Variants in NALF1 observed in about 807,000 individuals in gnomAD.
NALF1 encodes the protein family with sequence similarity 155 member A.
A neutral mutation model predicts 48.4 loss-of-function variants in NALF1; 3 were observed. That is an observed-to-expected ratio of 0.06 (90% CI 0.03 to 0.16). NALF1 has a LOEUF of 0.16. NALF1 is among the 10% of genes least tolerant of loss of function. The probability of loss-of-function intolerance (pLI) is 1.00; values close to 1 mark genes in which losing one functional copy is unlikely to be tolerated. For synonymous variants in NALF1, 262 were observed against 245.7 expected (o/e 1.07, Z -0.62); for missense variants, 526 against 571.5 (o/e 0.92, Z 0.81).
intron 1 of NALF1, among the ~76,000 whole-genome samples, chr13:107,296,480 G>A (rs1410408835): frequency 6.6e-6 from 1 of 151,972 alleles, no homozygotes; most frequent in Non-Finnish European, 1.5e-5. Flanking sequence ...GTGGAGTGAG[G>A]GGCAGAGAGC....
intron 2 of NALF1, among the ~76,000 whole-genome samples, chr13:107,176,466 C>A (rs1270208334): frequency 6.6e-6 from 1 of 151,788 alleles, no homozygotes; most frequent in East Asian, 1.9e-4. Flanking sequence ...CACGGTGAAA[C>A]CCCATCTCTA....
At chr13:107,194,119 T>G (rs1419039606) in intron 2 of NALF1, among the ~76,000 whole-genome samples, 2 of 152,148 alleles carry the variant, frequency 1.3e-5, no homozygotes, top group African/African-American at 4.8e-5. Flanking sequence ...GATTTTTCAG[T>G]TATATAAGCC....
Position 107,164,122 on chromosome 13 carries a change from G to C in NALF1, c.*6375C>G, listed in dbSNP as rs1878612356. 1 of 152,138 alleles carries C rather than the reference G, an allele frequency of 6.6e-6. No homozygotes were observed. The highest frequency in any genetic ancestry group is 2.1e-4 in the South Asian group (1 of 4,822). The allele number at this position is 152,138 out of a possible 1,614,324, so 9.4% of individuals were successfully genotyped here. On this transcript the variant is annotated 3_prime_UTR_variant, in exon 3 of 3. Transcript: ENST00000375915. ...TGCTGCGGTGAGCTGGGAGTTTTAG[G>C]GGAAATAGTCACTGAAGAAAGTCTG...
At chr13:107,506,046 A>C (rs1241166142) in intron 1 of NALF1, among the ~76,000 whole-genome samples, 1 of 152,156 alleles carries the variant, frequency 6.6e-6, no homozygotes, top group Non-Finnish European at 1.5e-5. Context: ...AATTTTTGTT[A>C]TAAGAACAGT....
At chr13:107,393,112 A>C (rs973821087) in intron 1 of NALF1, among the ~76,000 whole-genome samples, 1 of 152,158 alleles carries the variant, frequency 6.6e-6, no homozygotes, top group Non-Finnish European at 1.5e-5. Flanking sequence ...GTGAGGAAAA[A>C]TAAGCACGAA....
chr13:107,457,885 A>G (rs1414316050), intron 1 of NALF1, among the ~76,000 whole-genome samples: 1 of 152,208 alleles, frequency 6.6e-6, no homozygotes, highest in East Asian at 1.9e-4. Context: ...GACATTTCCC[A>G]GTGCAAACAG....
intron 1 of NALF1, among the ~76,000 whole-genome samples, chr13:107,688,365 T>C (rs905144110): frequency 1.3e-5 from 2 of 152,194 alleles, no homozygotes; most frequent in African/African-American, 4.8e-5. Context: ...TACACGGACA[T>C]ATGGTAGGAT....
chr13:107,766,703 A>C (rs1877427122), intron 1 of NALF1, among the ~76,000 whole-genome samples: 1 of 152,214 alleles, frequency 6.6e-6, no homozygotes, highest in Non-Finnish European at 1.5e-5. Context: ...AGCAAATTCA[A>C]TTGAAAATAG....
At chr13:107,666,192 ACT>A in intron 1 of NALF1, among the ~76,000 whole-genome samples, 3 of 152,122 alleles carry the variant, frequency 2.0e-5, no homozygotes, top group Admixed American at 2.0e-4. Flanking sequence ...TTCTCAAAAC[ACT>A]CTCATAATAA....
At position 107,469,733 on chromosome 13, in the gene NALF1, C is replaced by CTTTTTTTTTTTTTT. The variant is rs61241553; in HGVS notation, c.916-258992_916-258979dup. On this transcript the variant is annotated intron_variant, in intron 1 of 2. Coordinates refer to ENST00000375915, the MANE Select transcript of NALF1 (RefSeq NM_001080396.3). ...TAAATGCGATGAGTCAACTGTGTATCTTTTTTTTTTTTTTTTTTTTTTTTT... is the reference window on the plus strand; with the variant it reads ...TAAATGCGATGAGTCAACTGTGTATCTTTTTTTTTTTTTTTTTTTTTTTTTTTTTTTTTTTTTTT... Among the ~76,000 whole-genome samples the CTTTTTTTTTTTTTT allele has an allele frequency of 6.3e-4, 50 of 79,968 alleles. 6 individuals carry two copies. The highest frequency in any genetic ancestry group is 2.1e-3 in the African/African-American group (40 of 18,764). 52.5% of individuals were successfully genotyped at this position (79,968 alleles called of 152,430 possible). A position where few individuals can be genotyped will look rare whatever the true frequency, so the allele number is the denominator to read the frequency against.
chr13:107,514,788 A>T (rs1173664340), intron 1 of NALF1, among the ~76,000 whole-genome samples: 1 of 152,128 alleles, frequency 6.6e-6, no homozygotes, highest in East Asian at 1.9e-4. Flanking sequence ...TAAAGCCTAT[A>T]CTCTCCCCCA....
intron 1 of NALF1, among the ~76,000 whole-genome samples, chr13:107,391,776 T>C (rs900843309): frequency 1.3e-5 from 2 of 152,148 alleles, no homozygotes; most frequent in African/African-American, 4.8e-5. Context: ...CTTTGAGTTG[T>C]CCACCTTTCT....
At position 107,865,885 on chromosome 13, in the gene NALF1, A is replaced by G; in HGVS notation, c.712T>C (p.Leu238=). ...SYTLWELFSG[L]SSPNTLNCSL... is the part of the protein sequence containing the mutation. ...CAGTTCAAAGTGTTGGGACTGGACAACCCCGAGAACAACTCCCAAAGTGTG... is the reference window on the plus strand; with the variant it reads ...CAGTTCAAAGTGTTGGGACTGGACAGCCCCGAGAACAACTCCCAAAGTGTG... The change falls in exon 1 of 3, where the codon TTG becomes CTG. Residue 238 remains leucine (L), a synonymous_variant. Coordinates refer to ENST00000375915, the MANE Select transcript of NALF1 (RefSeq NM_001080396.3). 1 of 1,613,942 alleles carries G rather than the reference A, an allele frequency of 6.2e-7. No homozygotes were observed. Among genetic ancestry groups the G allele is most frequent in the Non-Finnish European group, 8.5e-7 (1 of 1,180,006 alleles).
At chr13:107,591,125 A>G (rs1878590914) in intron 1 of NALF1, among the ~76,000 whole-genome samples, 1 of 152,066 alleles carries the variant, frequency 6.6e-6, no homozygotes, top group Admixed American at 6.6e-5. Context: ...GATGAGAGTA[A>G]CAATAGAATT....
intron 1 of NALF1, among the ~76,000 whole-genome samples, chr13:107,510,890 C>T (rs572174067): frequency 3.3e-5 from 5 of 152,250 alleles, no homozygotes; most frequent in African/African-American, 9.6e-5. Context: ...TAGTTTCACT[C>T]GAGTACCCTC....
intron 1 of NALF1, among the ~76,000 whole-genome samples, chr13:107,475,451 G>A (rs1021700587): frequency 1.3e-5 from 2 of 152,142 alleles, no homozygotes; most frequent in African/African-American, 4.8e-5. Context: ...TGCCAAGTCT[G>A]AGCTTACTCA....
intron 1 of NALF1, among the ~76,000 whole-genome samples, chr13:107,274,243 C>T (rs527283673): frequency 2.6e-5 from 4 of 152,004 alleles, no homozygotes; most frequent in African/African-American, 9.7e-5. Flanking sequence ...AATGCACCAG[C>T]GAATGACTGT....
At chr13:107,472,453 G>C (rs1014439083) in intron 1 of NALF1, among the ~76,000 whole-genome samples, 1 of 152,144 alleles carries the variant, frequency 6.6e-6, no homozygotes. Context: ...TGTGTGTGTT[G>C]CCAAAGGAGA....
intron 1 of NALF1, among the ~76,000 whole-genome samples, chr13:107,432,650 A>G (rs7999413): frequency 0.54 from 81,583 of 151,804 alleles, 22,020 homozygotes; most frequent in Middle Eastern, 0.58. Context: ...GGATGTGAGG[A>G]AGGGGTGGCT....
Sources: gnomAD v4.1 joint callset for allele counts (sites outside exome capture counted in the v4.1 genomes callset) on GRCh38, gnomAD v4.1.1 for gene constraint, MANE v1.5 for transcripts, NCBI Gene and HGNC (gene_info 2026-07-23, HGNC 2026-07-21) for gene names.